Variants in PLXNA2 observed in about 807,000 individuals in gnomAD.
PLXNA2 encodes plexin-A2.
PLXNA2 carries 91 observed loss-of-function variants against 193.5 expected under a neutral mutation model. The ratio of observed to expected loss-of-function variants is 0.47; its 90% CI spans 0.40 to 0.56. PLXNA2 has a LOEUF of 0.56. Ranked by LOEUF, PLXNA2 falls within the 20% of genes least tolerant of loss-of-function variation. The pLI is 0.00. For missense variants in PLXNA2, 1,995 were observed against 2,503.2 expected, an observed-to-expected ratio of 0.80 and a Z score of 4.33; for synonymous variants, 997 against 1,027.3, an observed-to-expected ratio of 0.97 and a Z score of 0.56.
rs537265075 is a variant in PLXNA2, at chr1:208,101,819, G to A, written c.1607+1328C>T. ...GGAGGCATGGGGAGTAGGAGGTACC[G>A]CTGGACATGACCACTGCAGAGCTAG... On this transcript the variant is annotated intron_variant, in intron 5 of 31. Coordinates refer to ENST00000367033, the MANE Select transcript of PLXNA2 (RefSeq NM_025179.4). 4.6e-5 allele frequency among the ~76,000 whole-genome samples: 7 copies of A among 152,304 alleles called. No homozygotes were observed. The South Asian group carries it at 1.0e-3, about 23-fold the overall frequency.
intron 4 of PLXNA2, among the ~76,000 whole-genome samples, chr1:208,140,535 C>G (rs1266182609): frequency 6.6e-6 from 1 of 152,172 alleles, no homozygotes; most frequent in Non-Finnish European, 1.5e-5. Context: ...TCTATTTAAC[C>G]TCTGCTCATC....
chr1:208,037,656 C>T (rs562049431), intron 26 of PLXNA2, among the ~76,000 whole-genome samples: 8 of 152,150 alleles, frequency 5.3e-5, no homozygotes, highest in African/African-American at 1.4e-4. Context: ...CCCCCAGCTG[C>T]GAGTGGTTAC....
chr1:208,053,035 G>A (rs1665314797), intron 14 of PLXNA2, among the ~76,000 whole-genome samples: 1 of 152,200 alleles, frequency 6.6e-6, no homozygotes, highest in African/African-American at 2.4e-5. Context: ...ATCACTGGCT[G>A]GGGCTTTCTA....
intron 3 of PLXNA2, among the ~76,000 whole-genome samples, chr1:208,180,742 T>C (rs1669816477): frequency 6.6e-6 from 1 of 152,176 alleles, no homozygotes; most frequent in Non-Finnish European, 1.5e-5. Flanking sequence ...TTCAGAGATT[T>C]TGTCTGAAGT....
chr1:208,031,835 T>C (rs1337075126), intron 28 of PLXNA2, 76 bp from the exon 29 acceptor site: 1 of 1,340,270 alleles, frequency 7.5e-7, no homozygotes, highest in Non-Finnish European at 1.0e-6. Flanking sequence ...GATGGTGCCT[T>C]GGACCCATCC....
At chr1:208,215,418 G>A (rs1671093122) in intron 2 of PLXNA2, among the ~76,000 whole-genome samples, 1 of 152,132 alleles carries the variant, frequency 6.6e-6, no homozygotes, top group Non-Finnish European at 1.5e-5. Context: ...GATGAATAAA[G>A]AGAGGGATGA....
intron 12 of PLXNA2, among the ~76,000 whole-genome samples, chr1:208,063,533 C>T (rs971396919): frequency 7.2e-5 from 11 of 152,194 alleles, no homozygotes; most frequent in African/African-American, 2.4e-4. Context: ...CAGCTAGCAG[C>T]TGGGGGAATC....
chr1:208,045,515 A>G (rs1665031366), intron 18 of PLXNA2, among the ~76,000 whole-genome samples: 1 of 152,152 alleles, frequency 6.6e-6, no homozygotes, highest in African/African-American at 2.4e-5. Context: ...TGGGGCAACA[A>G]ATCACTTGGA....
At chr1:208,085,670 C>T (rs1184828688) in intron 9 of PLXNA2, among the ~76,000 whole-genome samples, 3 of 152,258 alleles carry the variant, frequency 2.0e-5, no homozygotes, top group Non-Finnish European at 4.4e-5. Context: ...CACCTCTTGT[C>T]ATGGTGTGGC....
rs1293932048 is a variant in PLXNA2, at chr1:208,236,228, C to A, written c.-81+7415G>T. Among the ~76,000 whole-genome samples, 1 of 152,016 alleles carries A rather than the reference C, an allele frequency of 6.6e-6. No individual in the cohort carries two copies. The highest frequency in any genetic ancestry group is 1.5e-5 in the Non-Finnish European group (1 of 67,994). On this transcript the variant is annotated intron_variant, in intron 1 of 31. Coordinates refer to ENST00000367033, the MANE Select transcript of PLXNA2 (RefSeq NM_025179.4). This position sits in a 1 kb window ranked among gnomAD's most constrained non-coding sequence, Gnocchi z 4.4. The stretch of plus-strand genomic sequence containing the variant: ...TAAGAACGCTGTTCTCAGTGAAATT[C>A]AAAAAATTGGCTCTTCTCCTTCAGG...
intron 1 of PLXNA2, 57 bp from the exon 2 acceptor site, chr1:208,218,059 A>G (rs1478277173): frequency 6.8e-7 from 1 of 1,480,190 alleles, no homozygotes; most frequent in Admixed American, 2.0e-5. Flanking sequence ...AGGAGCAAAG[A>G]GGCTGGCCTG....
At chr1:208,053,851 G>A (rs1665342358) in intron 14 of PLXNA2, among the ~76,000 whole-genome samples, 1 of 152,192 alleles carries the variant, frequency 6.6e-6, no homozygotes, top group African/African-American at 2.4e-5. Flanking sequence ...ATAAAGAGAT[G>A]TTTTCAGGTG....
chr1:208,189,158 T>C (rs1313486292), intron 3 of PLXNA2, among the ~76,000 whole-genome samples: 1 of 152,184 alleles, frequency 6.6e-6, no homozygotes, highest in Non-Finnish European at 1.5e-5. Context: ...TCCTGAATGA[T>C]TTCAGGCTAC....
rs958096148 is a variant in PLXNA2 at position 208,034,655 on chromosome 1, G to C, written c.4765-63C>G. 13 of 1,018,208 alleles carry C rather than the reference G, an allele frequency of 1.3e-5. 1 individual carries two copies. In the African/African-American group the frequency reaches 2.0e-4, roughly 16 times the overall value. The allele number at this position is 1,018,208 out of a possible 1,614,324, so 63.1% of individuals were successfully genotyped here. On this transcript the variant is annotated intron_variant, in intron 26 of 31. Coordinates refer to ENST00000367033, the MANE Select transcript of PLXNA2 (RefSeq NM_025179.4). ...TGTAGGTGTCTTGGGAAGTTGGATA[G>C]TCAAGTATTTCTAGAGGGTTATAAG...
rs1459755556 is a variant in PLXNA2, at chr1:208,092,861, C to T, written c.2022G>A (p.Trp674Ter). The change falls in exon 9 of 32, where the codon TGG becomes TGA. Residue 674 changes from tryptophan to a stop codon, truncating the protein, a stop_gained. Transcript: ENST00000367033. LOFTEE classifies it high-confidence loss of function. ...SCVNSAFRCH[W>*]CKYRNLCTHD... ...GAGTGCAGAGGTTGCGGTACTTGCA[C>T]CAATGGCAGCGGAAGGCGCTGTTGA... 6.2e-7 allele frequency: 1 copy of T among 1,614,002 alleles called. No homozygotes were observed. Among genetic ancestry groups the T allele is most frequent in the Non-Finnish European group, 8.5e-7 (1 of 1,179,938 alleles).
chr1:208,227,401 C>T (rs1483334365), intron 1 of PLXNA2, among the ~76,000 whole-genome samples: 1 of 152,142 alleles, frequency 6.6e-6, no homozygotes, highest in Non-Finnish European at 1.5e-5. Context: ...TCTCAGGAAG[C>T]CTAACGTGAC....
At chr1:208,034,650 G>T in intron 26 of PLXNA2, 58 bp from the exon 27 acceptor site, 1 of 1,052,926 alleles carries the variant, frequency 9.5e-7, no homozygotes, top group Non-Finnish European at 1.5e-6. Flanking sequence ...TTGGGAAGTT[G>T]GATAGTCAAG....
At chr1:208,187,925 G>A (rs1050280343) in intron 3 of PLXNA2, among the ~76,000 whole-genome samples, 12 of 152,320 alleles carry the variant, frequency 7.9e-5, no homozygotes, top group Non-Finnish European at 1.6e-4. Flanking sequence ...CTGTGAAGGA[G>A]GAACTGAAAT....
intron 3 of PLXNA2, among the ~76,000 whole-genome samples, chr1:208,185,719 G>GAAAAAA (rs3991419): frequency 1.9e-5 from 2 of 105,534 alleles, no homozygotes; most frequent in Non-Finnish European, 3.8e-5. Flanking sequence ...AAAAAAAAAA[G>GAAAAAA]GAAAAAAAAA....
Sources: gnomAD v4.1 joint callset for allele counts (sites outside exome capture counted in the v4.1 genomes callset) on GRCh38, gnomAD v4.1.1 for gene constraint, Gnocchi (gnomAD v3.1) non-coding constraint, MANE v1.5 for transcripts, NCBI Gene and HGNC (gene_info 2026-07-23, HGNC 2026-07-21) for gene names.